TARS3: variants seen among roughly 807,000 people sequenced by gnomAD.
TARS3 encodes threonyl-tRNA synthetase 3, also known as threonine--tRNA ligase 2, cytoplasmic.
A neutral mutation model predicts 103.5 loss-of-function variants in TARS3; 94 were observed. The observed-to-expected ratio is 0.91, with a 90% confidence interval of 0.77 to 1.08. The LOEUF (loss-of-function observed/expected upper bound fraction) is 1.08, where lower values mean the gene tolerates loss of function less well. TARS3 is among the 50% of genes least tolerant of loss of function. The pLI, the probability that TARS3 is intolerant of heterozygous loss-of-function variation, is 0.00. For missense variants in TARS3, 952 were observed against 995.2 expected, an observed-to-expected ratio of 0.96 and a Z score of 0.58; for synonymous variants, 416 against 355.4, an observed-to-expected ratio of 1.17 and a Z score of -1.92.
At chr15:101,692,597 G>A (rs112204570) in intron 10 of TARS3, among the ~76,000 whole-genome samples, 1 of 144,204 alleles carries the variant, frequency 6.9e-6, no homozygotes, top group Admixed American at 6.9e-5. Flanking sequence ...TGTGGGTTCT[G>A]GTATTACTAC....
intron 13 of TARS3, among the ~76,000 whole-genome samples, chr15:101,673,949 TC>T (rs1175473884): frequency 1.3e-5 from 2 of 152,138 alleles, no homozygotes; most frequent in Non-Finnish European, 2.9e-5. Context: ...AGTACAGTAG[TC>T]CCCCTTCTCT....
At position 101,698,576 on chromosome 15, in the gene TARS3, C is replaced by T. The variant is rs567955043; in HGVS notation, c.1320+2510G>A. ...GACTACCATGTGCCTCCTACTCTAC[C>T]CCACTCCTTTTTGAGTAAGACTATC... On this transcript the variant is annotated intron_variant, in intron 10 of 18. Coordinates refer to ENST00000335968, the MANE Select transcript of TARS3 (RefSeq NM_152334.3). Among the ~76,000 whole-genome samples the T allele has an allele frequency of 2.6e-5, 4 of 152,212 alleles. 1 individual carries two copies. The highest frequency in any genetic ancestry group is 7.2e-5 in the African/African-American group (3 of 41,536).
At chr15:101,720,484 G>A (rs559505185) in intron 3 of TARS3, among the ~76,000 whole-genome samples, 1 of 152,130 alleles carries the variant, frequency 6.6e-6, no homozygotes, top group East Asian at 1.9e-4. Context: ...CTTGATTGAC[G>A]AATAAAGTCA....
Position 101,671,708 on chromosome 15 carries a change from TTCCACGGTTC to T in TARS3, c.1819_1828del (p.Glu607LysfsTer2). 6.2e-7 allele frequency: 1 copy of T among 1,614,162 alleles called. No homozygotes were observed. Among genetic ancestry groups the T allele is most frequent in the Non-Finnish European group, 8.5e-7 (1 of 1,180,016 alleles). On this transcript the variant is annotated frameshift_variant, in exon 14 of 19. Coordinates refer to ENST00000335968, the MANE Select transcript of TARS3 (RefSeq NM_152334.3). LOFTEE classifies it high-confidence loss of function. The stretch of plus-strand genomic sequence containing the variant: ...AAATGCTCCATCTCCTGGGTTCATT[TTCCACGGTTC>T]TCCAAAGTCCATCAAGCTGTTCTGC...
intron 2 of TARS3, among the ~76,000 whole-genome samples, chr15:101,722,334 A>G (rs1900516228): frequency 6.6e-6 from 1 of 151,010 alleles, no homozygotes; most frequent in Non-Finnish European, 1.5e-5. Flanking sequence ...CTTGTATACC[A>G]TCGTACTCTG....
At chr15:101,714,515 G>C (rs1347378816) in intron 4 of TARS3, among the ~76,000 whole-genome samples, 1 of 145,044 alleles carries the variant, frequency 6.9e-6, no homozygotes, top group African/African-American at 2.5e-5. Flanking sequence ...TGAGGTGGGA[G>C]GATCACCTGA....
chr15:101,682,644 C>T (rs910081341), intron 12 of TARS3, among the ~76,000 whole-genome samples: 2 of 152,104 alleles, frequency 1.3e-5, no homozygotes, highest in Non-Finnish European at 2.9e-5. Flanking sequence ...ATATTAGCTT[C>T]ATTAGCTTCA....
intron 11 of TARS3, 25 bp downstream of exon 11, chr15:101,685,861 CTCATGAAAAG>C: frequency 6.4e-7 from 1 of 1,569,316 alleles, no homozygotes; most frequent in Non-Finnish European, 8.7e-7. Context: ...GCTATGTGCT[CTCATGAAAAG>C]GTCTGCTTCG....
chr15:101,706,651 G>C (rs11857104), intron 6 of TARS3, among the ~76,000 whole-genome samples: 3 of 151,846 alleles, frequency 2.0e-5, no homozygotes, highest in Non-Finnish European at 4.4e-5. Flanking sequence ...AAAGTTTATC[G>C]TAATGATGAT....
intron 8 of TARS3, 21 bp downstream of exon 8, chr15:101,703,838 T>TA (rs749467532): frequency 2.0e-4 from 298 of 1,518,120 alleles, no homozygotes; most frequent in African/African-American, 6.5e-4. Context: ...TTTACTGTAT[T>TA]AAAAAAAAAT....
chr15:101,688,468 A>G (rs1291024504), intron 10 of TARS3, among the ~76,000 whole-genome samples: 1 of 152,186 alleles, frequency 6.6e-6, no homozygotes, highest in African/African-American at 2.4e-5. Context: ...CATCCTGGAA[A>G]TACCAGTTTA....
intron 4 of TARS3, among the ~76,000 whole-genome samples, chr15:101,712,665 ACT>A (rs1189762888): frequency 6.6e-6 from 1 of 152,148 alleles, no homozygotes; most frequent in Non-Finnish European, 1.5e-5. Flanking sequence ...AAAAGTTGAT[ACT>A]GTTTTGAGTT....
Position 101,671,673 on chromosome 15 carries a change from T to C in TARS3, c.1864A>G (p.Lys622Glu), listed in dbSNP as rs145094621. ...NPGDGAFYGP[K>E]IDIKIKDAIG... ...TTTGAAGCATGTGGTCGACTCACTTTAGGGCCATAAAATGCTCCATCTCCT... is the reference window on the plus strand; with the variant it reads ...TTTGAAGCATGTGGTCGACTCACTTCAGGGCCATAAAATGCTCCATCTCCT... The change falls in exon 14 of 19, where the codon AAA (lysine) becomes GAA (glutamate). Residue 622 changes from lysine to glutamate, a missense_variant and splice_region_variant. Lys to Glu is a moderately conservative substitution (Grantham distance 56). This residue lies in a region of TARS3 where 540 missense variants were observed against 631.0 expected (regional missense o/e 0.86). Coordinates refer to ENST00000335968, the MANE Select transcript of TARS3 (RefSeq NM_152334.3). The C allele has an allele frequency of 6.2e-7, 1 of 1,614,020 alleles. No individual in the cohort carries two copies. Among genetic ancestry groups the C allele is most frequent in the African/African-American group, 1.3e-5 (1 of 74,932 alleles).
In TARS3 at chr15:101,654,501, T is replaced by C. The variant is rs1897125984; in HGVS notation, c.*81A>G. 16 of 1,493,010 alleles carry C rather than the reference T, an allele frequency of 1.1e-5. No individual in the cohort carries two copies. In the South Asian group the frequency reaches 1.7e-4, roughly 15 times the overall value. 92.5% of individuals were successfully genotyped at this position (1,493,010 alleles called of 1,614,324 possible). A position where few individuals can be genotyped will look rare whatever the true frequency, so the allele number is the denominator to read the frequency against. ...GGACCCATCAGTGGCTCCAAAGTCG[T>C]AGAAGTACTAACATGTTAAGAAAAA... On this transcript the variant is annotated 3_prime_UTR_variant, in exon 19 of 19. Coordinates refer to ENST00000335968, the MANE Select transcript of TARS3 (RefSeq NM_152334.3).
intron 10 of TARS3, among the ~76,000 whole-genome samples, chr15:101,687,346 T>C (rs986284887): frequency 6.6e-6 from 1 of 152,168 alleles, no homozygotes; most frequent in Non-Finnish European, 1.5e-5. Context: ...GAGGTTGCAG[T>C]GAGCCAAGGT....
intron 17 of TARS3, 69 bp downstream of exon 17, chr15:101,657,713 GACA>G: frequency 9.8e-7 from 1 of 1,015,950 alleles, no homozygotes; most frequent in South Asian, 1.6e-5. Flanking sequence ...AAGCATGAAG[GACA>G]CTCCAAATCG....
intron 12 of TARS3, among the ~76,000 whole-genome samples, chr15:101,678,622 G>A (rs988718741): frequency 1.3e-5 from 2 of 151,954 alleles, no homozygotes; most frequent in African/African-American, 2.4e-5. Context: ...CCCATTTATA[G>A]TATAATTTTC....
chr15:101,680,249 G>T (rs1295165237), intron 12 of TARS3, among the ~76,000 whole-genome samples: 1 of 152,176 alleles, frequency 6.6e-6, no homozygotes, highest in African/African-American at 2.4e-5. Flanking sequence ...GGCATATAAA[G>T]GGCCACAGTT....
In TARS3 at chr15:101,667,198, T is replaced by G. The variant is rs560994800; in HGVS notation, c.1967+4288A>C. Among the ~76,000 whole-genome samples, 92 of 152,286 alleles carry G rather than the reference T, an allele frequency of 6.0e-4. 1 individual carries two copies. The highest frequency in any genetic ancestry group is 1.2e-3 in the Non-Finnish European group (84 of 68,016). On this transcript the variant is annotated intron_variant, in intron 15 of 18. Transcript: ENST00000335968. ...CAGTAAATCATGCTGTAAACAGACG[T>G]GCTGTCATCTAGGCTTTGTTGTTGC...
Sources: gnomAD v4.1 joint callset for allele counts (sites outside exome capture counted in the v4.1 genomes callset) on GRCh38, gnomAD v4.1.1 for gene constraint, gnomAD v4.1.1 regional missense constraint, MANE v1.5 for transcripts, NCBI Gene and HGNC (gene_info 2026-07-23, HGNC 2026-07-21) for gene names.